The following FRMD6 variants were observed in gnomAD, a reference collection of about 807,000 sequenced individuals.
FRMD6 encodes the protein FERM domain containing 6.
FRMD6 carries 37 observed loss-of-function variants against 73.2 expected under a neutral mutation model. The ratio of observed to expected loss-of-function variants is 0.51; its 90% CI spans 0.39 to 0.66. The LOEUF (loss-of-function observed/expected upper bound fraction) is 0.66, where lower values mean the gene tolerates loss of function less well. Among genes scored for constraint, FRMD6 ranks in the 30% least tolerant of loss-of-function variants. FRMD6 has a pLI of 0.00. For missense variants in FRMD6, 714 were observed against 780.5 expected (o/e 0.91, Z 1.02); for synonymous variants, 273 against 282.2 (o/e 0.97, Z 0.33).
intron 10 of FRMD6, among the ~76,000 whole-genome samples, chr14:51,718,981 GC>G (rs1292020163): frequency 6.6e-6 from 1 of 152,044 alleles, no homozygotes; most frequent in East Asian, 1.9e-4. Context: ...CCATTAACAG[GC>G]CCCTGAGAAC....
At chr14:51,707,570 C>G (rs1334875010) in intron 6 of FRMD6, among the ~76,000 whole-genome samples, 1 of 152,146 alleles carries the variant, frequency 6.6e-6, no homozygotes, top group Non-Finnish European at 1.5e-5. Flanking sequence ...ATATCAGCCT[C>G]TTATGCAAGA....
chr14:51,607,189 A>G (rs1266304907), intron 2 of FRMD6, among the ~76,000 whole-genome samples: 3 of 152,038 alleles, frequency 2.0e-5, no homozygotes, highest in Non-Finnish European at 4.4e-5. Context: ...CCAAGTTGAC[A>G]CCTAACACTG....
chr14:51,548,758 G>T (rs1886613129), intron 1 of FRMD6, among the ~76,000 whole-genome samples: 1 of 152,172 alleles, frequency 6.6e-6, no homozygotes, highest in African/African-American at 2.4e-5. Flanking sequence ...TGGAATTTAA[G>T]AGGAATAACT....
chr14:51,474,259 T>G, the FRMD6 span, among the ~76,000 whole-genome samples: 1 of 152,136 alleles, frequency 6.6e-6, no homozygotes, highest in South Asian at 2.1e-4. Flanking sequence ...ATTAGCAAAG[T>G]GAGAATAGAG....
intron 1 of FRMD6, among the ~76,000 whole-genome samples, chr14:51,566,893 A>G (rs1193794608): frequency 1.3e-5 from 2 of 152,168 alleles, no homozygotes; most frequent in Non-Finnish European, 2.9e-5. Flanking sequence ...GCTTGTTTTC[A>G]CAGAATTGGT....
intron 2 of FRMD6, among the ~76,000 whole-genome samples, chr14:51,634,494 A>C (rs1891467582): frequency 6.6e-6 from 1 of 152,230 alleles, no homozygotes; most frequent in Non-Finnish European, 1.5e-5. Flanking sequence ...GAAAGCTCTT[A>C]GTCCATGAAA....
At chr14:51,475,604 A>G in the FRMD6 span, among the ~76,000 whole-genome samples, 1 of 151,998 alleles carries the variant, frequency 6.6e-6, no homozygotes, top group Non-Finnish European at 1.5e-5. Flanking sequence ...CCATGAGGAA[A>G]CCTCTATTTT....
At chr14:51,435,311 C>T in the FRMD6 span, among the ~76,000 whole-genome samples, 1 of 151,856 alleles carries the variant, frequency 6.6e-6, no homozygotes, top group African/African-American at 2.4e-5. Context: ...CATAGTGGCT[C>T]ATGCCTATAA....
intron 2 of FRMD6, among the ~76,000 whole-genome samples, chr14:51,607,567 C>A (rs1890313597): frequency 6.6e-6 from 1 of 152,124 alleles, no homozygotes; most frequent in South Asian, 2.1e-4. Context: ...ACAGGTAAAG[C>A]CAAGGTCTCC....
chr14:51,592,381 T>G (rs1889448790), intron 2 of FRMD6, among the ~76,000 whole-genome samples: 1 of 152,198 alleles, frequency 6.6e-6, no homozygotes, highest in Non-Finnish European at 1.5e-5. Context: ...AAACTAAAAT[T>G]TCTCGTGTAT....
chr14:51,532,264 G>A (rs1027123184), intron 1 of FRMD6, among the ~76,000 whole-genome samples: 1 of 151,576 alleles, frequency 6.6e-6, no homozygotes, highest in African/African-American at 2.4e-5. Flanking sequence ...AGCTACTCGG[G>A]AGGATGAGCC....
chr14:51,631,339 A>G (rs1455310835), intron 2 of FRMD6, among the ~76,000 whole-genome samples: 2 of 152,256 alleles, frequency 1.3e-5, no homozygotes, highest in African/African-American at 4.8e-5. Context: ...CACAGATTCC[A>G]CAGTGAATGC....
At chr14:51,538,972 T>C (rs1311901296) in intron 1 of FRMD6, among the ~76,000 whole-genome samples, 1 of 152,166 alleles carries the variant, frequency 6.6e-6, no homozygotes, top group Admixed American at 6.6e-5. Flanking sequence ...TCTTGGATGG[T>C]TCATTGCTAG....
In FRMD6 at chr14:51,728,711, A is replaced by G. The variant is rs1262962547; in HGVS notation, c.*682A>G. 6.5e-6 allele frequency: 1 copy of G among 152,688 alleles called. No homozygotes were observed. The highest frequency in any genetic ancestry group is 1.5e-5 in the Non-Finnish European group (1 of 68,058). 9.5% of individuals were successfully genotyped at this position (152,688 alleles called of 1,614,324 possible). ...CTTTTGTGATCTTCCAGAAAGCTCCAGGATTCATTTGAGTTCCACATCCAA... is the reference window on the plus strand; with the variant it reads ...CTTTTGTGATCTTCCAGAAAGCTCCGGGATTCATTTGAGTTCCACATCCAA... On this transcript the variant is annotated 3_prime_UTR_variant, in exon 14 of 14. Coordinates refer to ENST00000344768, the MANE Select transcript of FRMD6 (RefSeq NM_001267046.2).
rs903306930 is a variant in FRMD6 at position 51,513,443 on chromosome 14, G to A, written c.-210+24023G>A. Among the ~76,000 whole-genome samples, 10 of 152,206 alleles carry A rather than the reference G, an allele frequency of 6.6e-5. No homozygotes were observed. In the South Asian group the frequency reaches 1.7e-3, roughly 25 times the overall value. On this transcript the variant is annotated intron_variant, in intron 1 of 14. Coordinates refer to the FRMD6 transcript ENST00000356218. ...TCCTCTCAGCCACAGCCCACAATTCGGCCGAGCCATTGACAGCTACTAAGT... is the reference window on the plus strand; with the variant it reads ...TCCTCTCAGCCACAGCCCACAATTCAGCCGAGCCATTGACAGCTACTAAGT...
intron 1 of FRMD6, among the ~76,000 whole-genome samples, chr14:51,570,051 G>A (rs1280854402): frequency 2.0e-5 from 3 of 152,060 alleles, no homozygotes; most frequent in East Asian, 1.9e-4. Context: ...TCCTGACCTC[G>A]TGATCTGCCC....
chr14:51,612,400 CTGCAAAT>C (rs1594602295), intron 2 of FRMD6, among the ~76,000 whole-genome samples: 2 of 152,262 alleles, frequency 1.3e-5, no homozygotes. Flanking sequence ...TCAGGGAATG[CTGCAAAT>C]TGTAAATAGC....
intron 8 of FRMD6, 113 bp downstream of exon 8, chr14:51,711,709 C>A: frequency 1.4e-6 from 1 of 712,388 alleles, no homozygotes; most frequent in South Asian, 1.7e-5. Context: ...GGCTGGTCAT[C>A]ATTTCCCATT....
upstream of FRMD6, chr14:51,649,384 C>T (rs1368985154): frequency 6.6e-6 from 1 of 151,884 alleles, no homozygotes; most frequent in Non-Finnish European, 1.5e-5. Flanking sequence ...TTTTTTTAAA[C>T]TGTTCCAAAT....
Sources: gnomAD v4.1 joint callset for allele counts (sites outside exome capture counted in the v4.1 genomes callset) on GRCh38, gnomAD v4.1.1 for gene constraint, MANE v1.5 for transcripts, NCBI Gene and HGNC (gene_info 2026-07-23, HGNC 2026-07-21) for gene names.